SAMMSON: variants seen among roughly 807,000 people sequenced by gnomAD.
The protein encoded by SAMMSON is survival associated mitochondrial melanoma specific oncogenic non-coding RNA.
chr3:70,429,908 G>A (rs1407113873), intron 2 of SAMMSON, among the ~76,000 whole-genome samples: 2 of 152,144 alleles, frequency 1.3e-5, no homozygotes, highest in East Asian at 1.9e-4. Flanking sequence ...CATGTCATCT[G>A]CAAACAGAGA....
At position 70,305,311 on chromosome 3, in the gene SAMMSON, G is replaced by A. The variant is rs558157147; in HGVS notation, n.739+14068G>A. ...ACCCCTATTTTTGTTATTAGGTAAC[G>A]CACTTTCATGAGTTAATGAAAACTA... is the stretch of plus-strand genomic sequence containing the variant. On this transcript the variant is annotated intron_variant and non_coding_transcript_variant, in intron 7 of 9. Coordinates refer to ENST00000642114, the Ensembl canonical transcript of SAMMSON. Among the ~76,000 whole-genome samples, 19 of 152,018 alleles carry A rather than the reference G, an allele frequency of 1.2e-4. No individual in the cohort carries two copies. The South Asian group carries it at 3.5e-3, about 28-fold the overall frequency.
intron 7 of SAMMSON, among the ~76,000 whole-genome samples, chr3:70,312,945 A>T (rs1014359151): frequency 3.3e-5 from 5 of 152,230 alleles, no homozygotes; most frequent in Non-Finnish European, 7.3e-5. Context: ...TGAAAAATAT[A>T]CACAGGCTAT....
chr3:70,149,343 A>T (rs996601740), intron 4 of SAMMSON, among the ~76,000 whole-genome samples: 6 of 152,076 alleles, frequency 3.9e-5, no homozygotes, highest in Non-Finnish European at 8.8e-5. Context: ...TTGCTAATGT[A>T]AAGACGCAAA....
chr3:70,430,041 T>G (rs1701401344), intron 2 of SAMMSON, among the ~76,000 whole-genome samples: 1 of 152,194 alleles, frequency 6.6e-6, no homozygotes, highest in Admixed American at 6.5e-5. Context: ...CCTTGTCTTG[T>G]GCCAGTTTTG....
At chr3:70,023,844 C>T (rs1211809918) in intron 3 of SAMMSON, among the ~76,000 whole-genome samples, 1 of 152,180 alleles carries the variant, frequency 6.6e-6, no homozygotes, top group African/African-American at 2.4e-5. Flanking sequence ...GGACTGCAAG[C>T]CATAGTTTGC....
At chr3:70,036,976 CATAGGATGATGATTA>C (rs1043173245) in intron 3 of SAMMSON, among the ~76,000 whole-genome samples, 1 of 151,832 alleles carries the variant, frequency 6.6e-6, no homozygotes, top group Non-Finnish European at 1.5e-5. Context: ...TTGTAAATAG[CATAGGATGATGATTA>C]ATAGAATGTC....
rs374432150 is a variant in SAMMSON, at chr3:70,148,800, C to T, written n.507+77235C>T. The stretch of plus-strand genomic sequence containing the variant: ...GACCCAAACACCTCCTACTAAGCCC[C>T]ACCTCCAACACTGGGGATCAAATTT... On this transcript the variant is annotated intron_variant and non_coding_transcript_variant, in intron 4 of 9. Coordinates refer to ENST00000642114, the Ensembl canonical transcript of SAMMSON. 3.5e-4 allele frequency among the ~76,000 whole-genome samples: 53 copies of T among 152,232 alleles called. No homozygotes were observed. The East Asian group carries it at 3.9e-3, about 11-fold the overall frequency.
chr3:70,073,529 G>A (rs2067237690), intron 4 of SAMMSON, among the ~76,000 whole-genome samples: 1 of 151,868 alleles, frequency 6.6e-6, no homozygotes, highest in Non-Finnish European at 1.5e-5. Context: ...GAAGTAGAGA[G>A]TGTTACAGGA....
chr3:70,006,300 C>CT (rs2066926087), intron 1 of SAMMSON, among the ~76,000 whole-genome samples: 1 of 152,190 alleles, frequency 6.6e-6, no homozygotes, highest in Admixed American at 6.5e-5. Context: ...GTTTCAGACT[C>CT]TTATTTTAAA....
At chr3:70,045,001 TA>T (rs1426745158) in intron 3 of SAMMSON, among the ~76,000 whole-genome samples, 1,623 of 127,928 alleles carry the variant, frequency 0.013, 70 homozygotes, top group African/African-American at 0.046. Flanking sequence ...ATTATATAAT[TA>T]ATTATATATA....
intron 3 of SAMMSON, among the ~76,000 whole-genome samples, chr3:70,047,014 C>A (rs972483701): frequency 6.6e-6 from 1 of 152,080 alleles, no homozygotes; most frequent in Non-Finnish European, 1.5e-5. Context: ...ACCTTTGTTA[C>A]ACCTGCGAAT....
chr3:70,130,568 G>A (rs1347720777), intron 4 of SAMMSON, among the ~76,000 whole-genome samples: 1 of 152,104 alleles, frequency 6.6e-6, no homozygotes, highest in African/African-American at 2.4e-5. Context: ...AGGTGGCACT[G>A]GGTGACTTCT....
chr3:70,159,348 C>G (rs2067605093), intron 4 of SAMMSON, among the ~76,000 whole-genome samples: 1 of 151,674 alleles, frequency 6.6e-6, no homozygotes, highest in Non-Finnish European at 1.5e-5. Context: ...ACAAGAGGCC[C>G]CAGTGTGTGA....
chr3:70,309,425 A>G (rs2106708465), intron 7 of SAMMSON, among the ~76,000 whole-genome samples: 1 of 152,332 alleles, frequency 6.6e-6, no homozygotes, highest in Admixed American at 6.5e-5. Flanking sequence ...TATTCTGAGT[A>G]ATGCTTTTAA....
upstream of SAMMSON, chr3:69,999,711 A>C (rs556517827): frequency 1.3e-5 from 2 of 151,894 alleles, no homozygotes; most frequent in Non-Finnish European, 2.9e-5. Flanking sequence ...GCCTATAAAA[A>C]CCGCCCCCCG....
At chr3:70,122,387 A>G (rs955519017) in intron 4 of SAMMSON, among the ~76,000 whole-genome samples, 1 of 152,058 alleles carries the variant, frequency 6.6e-6, no homozygotes, top group Non-Finnish European at 1.5e-5. Context: ...GTGTGTGTGG[A>G]GACGGGGTTT....
intron 4 of SAMMSON, among the ~76,000 whole-genome samples, chr3:70,081,132 A>G (rs9839441): frequency 0.022 from 3,322 of 152,098 alleles, 119 homozygotes; most frequent in African/African-American, 0.074. Flanking sequence ...TTTTGTTTTT[A>G]AGACGGAGTC....
At chr3:70,178,267 T>G (rs1285533188) in intron 4 of SAMMSON, among the ~76,000 whole-genome samples, 1 of 152,152 alleles carries the variant, frequency 6.6e-6, no homozygotes, top group Non-Finnish European at 1.5e-5. Flanking sequence ...GGAGGGGGCA[T>G]TAAAATAATT....
At chr3:70,173,699 T>A (rs879387950) in intron 4 of SAMMSON, among the ~76,000 whole-genome samples, 6 of 150,200 alleles carry the variant, frequency 4.0e-5, no homozygotes, top group African/African-American at 9.7e-5. Context: ...AAATAAGTAC[T>A]TTTTTTGTGT....
Sources: gnomAD v4.1 joint callset for allele counts (sites outside exome capture counted in the v4.1 genomes callset) on GRCh38, gnomAD v4.1.1 for gene constraint, MANE v1.5 for transcripts, NCBI Gene and HGNC (gene_info 2026-07-23, HGNC 2026-07-21) for gene names.